NCAPH: variants seen among roughly 807,000 people sequenced by gnomAD.
The protein encoded by NCAPH is condensin complex subunit 2.
Under a neutral mutation model 85.5 loss-of-function variants are expected in NCAPH, and 38 were observed. That is an observed-to-expected ratio of 0.44 (90% CI 0.34 to 0.58). The LOEUF (loss-of-function observed/expected upper bound fraction) is 0.58, where lower values mean the gene tolerates loss of function less well. NCAPH is among the 20% of genes least tolerant of loss of function. The pLI is 0.01. For synonymous variants in NCAPH, 301 were observed against 335.1 expected, an observed-to-expected ratio of 0.90 and a Z score of 1.11; for missense variants, 789 against 916.6, an observed-to-expected ratio of 0.86 and a Z score of 1.80.
intron 17 of NCAPH, among the ~76,000 whole-genome samples, chr2:96,371,365 C>G (rs746824383): frequency 6.6e-6 from 1 of 152,140 alleles, no homozygotes; most frequent in African/African-American, 2.4e-5. Flanking sequence ...CTCATCAGCC[C>G]CAGCCTGAAG....
intron 1 of NCAPH, among the ~76,000 whole-genome samples, chr2:96,336,189 C>T (rs948190831): frequency 2.6e-5 from 4 of 152,298 alleles, no homozygotes; most frequent in African/African-American, 7.2e-5. Flanking sequence ...GGTGGTTTTC[C>T]TGGAATAGAC....
chr2:96,350,192 A>G (rs1160930892), intron 6 of NCAPH, among the ~76,000 whole-genome samples: 1 of 152,236 alleles, frequency 6.6e-6, no homozygotes, highest in Non-Finnish European at 1.5e-5. Context: ...AGAAGGTTTC[A>G]TCTACTCAAA....
At position 96,359,024 on chromosome 2, in the gene NCAPH, G is replaced by A. The variant is rs753501152; in HGVS notation, c.1209-21G>A. On this transcript the variant is annotated intron_variant, in intron 9 of 17. Transcript: ENST00000240423. ...GCATTATAATATATGTATTGTACATGTACAAATATGTGTGTTACAGGGAAG... is the reference window on the plus strand; with the variant it reads ...GCATTATAATATATGTATTGTACATATACAAATATGTGTGTTACAGGGAAG... 3.1e-6 allele frequency: 5 copies of A among 1,612,494 alleles called. No individual in the cohort carries two copies. In the African/African-American group the frequency reaches 6.7e-5, roughly 22 times the overall value.
intron 5 of NCAPH, 39 bp from the exon 6 acceptor site, chr2:96,344,066 A>T (rs887868805): frequency 6.3e-7 from 1 of 1,588,628 alleles, no homozygotes; most frequent in Non-Finnish European, 8.5e-7. Flanking sequence ...CATGCTTCAA[A>T]GCAGCCCTTG....
At chr2:96,355,535 G>A (rs1320234351) in intron 9 of NCAPH, among the ~76,000 whole-genome samples, 4 of 152,032 alleles carry the variant, frequency 2.6e-5, no homozygotes, top group East Asian at 1.9e-4. Context: ...TTATCAAGGC[G>A]CCACTGCCCA....
chr2:96,359,929 A>G (rs1326093181), intron 10 of NCAPH, among the ~76,000 whole-genome samples: 1 of 152,204 alleles, frequency 6.6e-6, no homozygotes, highest in Admixed American at 6.5e-5. Context: ...GGCCAAGCAT[A>G]TGTTTCTGAT....
Position 96,340,037 on chromosome 2 carries a change from C to T in NCAPH, c.20-1605C>T, listed in dbSNP as rs1034575782. 5.9e-5 allele frequency among the ~76,000 whole-genome samples: 9 copies of T among 152,140 alleles called. No homozygotes were observed. The East Asian group carries it at 7.7e-4, about 13-fold the overall frequency. ...TCCCGGGTTCAAGCGATTTTCCTGCCTCAGCCTCCCAAGTAGCTGAGATTA... is the reference window on the plus strand; with the variant it reads ...TCCCGGGTTCAAGCGATTTTCCTGCTTCAGCCTCCCAAGTAGCTGAGATTA... On this transcript the variant is annotated intron_variant, in intron 1 of 17. Transcript: ENST00000240423.
At position 96,369,010 on chromosome 2, in the gene NCAPH, A is replaced by T. The variant is rs1171272930; in HGVS notation, c.2037A>T (p.Ala679=). 6.4e-7 allele frequency: 1 copy of T among 1,556,920 alleles called. No homozygotes were observed. Among genetic ancestry groups the T allele is most frequent in the Admixed American group, 1.9e-5 (1 of 51,362 alleles). The change falls in exon 16 of 18, where the codon GCA becomes GCT. Residue 679 remains alanine (A), a synonymous_variant. Coordinates refer to ENST00000240423, the MANE Select transcript of NCAPH (RefSeq NM_015341.5). ...AAGCTGGAAAAGAAGCGGCCCTGGCAGAAGTGGCTGACGAGAAGATGCTTA... is the reference window on the plus strand; with the variant it reads ...AAGCTGGAAAAGAAGCGGCCCTGGCTGAAGTGGCTGACGAGAAGATGCTTA... The part of the protein sequence containing the change: ...HREAGKEAAL[A]EVADEKMLSG...
chr2:96,365,929 G>C lies in NCAPH; in HGVS notation c.1752G>C (p.Gly584=). 1 of 1,614,188 alleles carries C rather than the reference G, an allele frequency of 6.2e-7. No individual in the cohort carries two copies. Among genetic ancestry groups the C allele is most frequent in the South Asian group, 1.1e-5 (1 of 91,088 alleles). The change falls in exon 14 of 18, where the codon GGG becomes GGC. Residue 584 remains glycine (G), a synonymous_variant. Coordinates refer to ENST00000240423, the MANE Select transcript of NCAPH (RefSeq NM_015341.5). The stretch of plus-strand genomic sequence containing the variant: ...ATGACTTATTTGTGGGACCTGTTGG[G>C]AACTCTGACCTCTCACCTTATCCTT... ...DLDDLFVGPV[G]NSDLSPYPCH...
intron 7 of NCAPH, among the ~76,000 whole-genome samples, chr2:96,352,313 C>T (rs989424541): frequency 1.3e-5 from 2 of 152,162 alleles, no homozygotes; most frequent in African/African-American, 4.8e-5. Flanking sequence ...TTTGGGAGAC[C>T]TGGGTTCCTC....
chr2:96,342,376 G>A (rs1465220915), intron 3 of NCAPH, among the ~76,000 whole-genome samples: 1 of 152,208 alleles, frequency 6.6e-6, no homozygotes, highest in East Asian at 1.9e-4. Context: ...GTAGAGTTCT[G>A]GAGCTAGCCT....
intron 17 of NCAPH, among the ~76,000 whole-genome samples, chr2:96,369,885 TGAAAA>T (rs1305206041): frequency 6.6e-6 from 1 of 151,924 alleles, no homozygotes; most frequent in Non-Finnish European, 1.5e-5. Flanking sequence ...GAAATGAGGA[TGAAAA>T]GAAAACAGTT....
chr2:96,372,668 A>G (rs1218909213), intron 17 of NCAPH, among the ~76,000 whole-genome samples: 1 of 152,172 alleles, frequency 6.6e-6, no homozygotes, highest in African/African-American at 2.4e-5. Context: ...CTTGGTAGCC[A>G]TCTCAGTTCC....
intron 3 of NCAPH, 95 bp downstream of exon 3, chr2:96,342,235 T>A: frequency 2.6e-6 from 3 of 1,157,088 alleles, no homozygotes; most frequent in Non-Finnish European, 3.8e-6. Flanking sequence ...CAATCAATGA[T>A]GATAATTCTC....
chr2:96,344,447 C>G (rs956707337), intron 6 of NCAPH, among the ~76,000 whole-genome samples: 1 of 152,192 alleles, frequency 6.6e-6, no homozygotes, highest in African/African-American at 2.4e-5. Context: ...GAAGAGACTG[C>G]AAATTGCTGA....
At chr2:96,360,037 C>A in intron 10 of NCAPH, 106 bp from the exon 11 acceptor site, 1 of 694,526 alleles carries the variant, frequency 1.4e-6, no homozygotes, top group Non-Finnish European at 2.6e-6. Context: ...ACAATGCTGC[C>A]TTGTGGTTTT....
chr2:96,343,195 C>T lies in NCAPH; in HGVS notation c.486C>T (p.Thr162=), dbSNP rs772622487. 2 of 1,614,134 alleles carry T rather than the reference C, an allele frequency of 1.2e-6. No individual in the cohort carries two copies. The highest frequency in any genetic ancestry group is 8.5e-7 in the Non-Finnish European group (1 of 1,180,008). Residue 162 remains threonine (T), a synonymous_variant, in exon 5 of 18, where the codon ACC becomes ACT. Transcript: ENST00000240423. ...CTGCGGGTACTCTGGATGCCAGCACCAAGATCTATGCTGTGCGCGTGGATG... is the reference window on the plus strand; with the variant it reads ...CTGCGGGTACTCTGGATGCCAGCACTAAGATCTATGCTGTGCGCGTGGATG... ...KVAAGTLDAS[T]KIYAVRVDAV...
At chr2:96,342,685 G>GTTAAAAGC in intron 3 of NCAPH, 71 bp from the exon 4 acceptor site, 1 of 1,260,834 alleles carries the variant, frequency 7.9e-7, no homozygotes, top group East Asian at 2.3e-5. Flanking sequence ...AGCTTCCTCT[G>GTTAAAAGC]TTAAAAGCAG....
chr2:96,369,114 G>A (rs777816465), intron 16 of NCAPH, 51 bp downstream of exon 16: 1 of 1,515,782 alleles, frequency 6.6e-7, no homozygotes, highest in South Asian at 1.2e-5. Flanking sequence ...TCTCTGAGCT[G>A]TCCGCGTGGC....
Sources: allele counts gnomAD v4.1 joint callset (sites outside exome capture counted in the v4.1 genomes callset), GRCh38; gene constraint gnomAD v4.1.1; transcripts MANE v1.5; gene names NCBI Gene and HGNC (gene_info 2026-07-23, HGNC 2026-07-21).